Variants in CR1L observed in about 807,000 individuals in gnomAD.
The protein encoded by CR1L is complement component receptor 1-like protein.
CR1L carries 59 observed loss-of-function variants against 62.3 expected under a neutral mutation model. The observed-to-expected ratio is 0.95, with a 90% CI of 0.77 to 1.18. The LOEUF is 1.18. CR1L is among the 50% of genes most tolerant of loss of function. The pLI is 0.00. For synonymous variants in CR1L, 279 were observed against 248.7 expected (o/e 1.12, Z -1.15); for missense variants, 700 against 702.8 (o/e 1.00, Z 0.04).
At chr1:207,679,141 G>C (rs1042573269) in intron 3 of CR1L, among the ~76,000 whole-genome samples, 4 of 148,270 alleles carry the variant, frequency 2.7e-5, no homozygotes, top group Non-Finnish European at 4.5e-5. Context: ...GGGACAACAG[G>C]TGCCCACCAC....
At position 207,678,308 on chromosome 1, in the gene CR1L, A is replaced by T; in HGVS notation, c.377+11A>T. On this transcript the variant is annotated intron_variant, in intron 3 of 11. Transcript: ENST00000508064. ...TTCTTGTCCTAAAGGGTGAGTTGGC[A>T]TCTCTTGAACCAACATCTCTTGGTT... The T allele has an allele frequency of 1.2e-6, 2 of 1,607,702 alleles. No homozygotes were observed. Among genetic ancestry groups the T allele is most frequent in the Non-Finnish European group, 1.7e-6 (2 of 1,174,202 alleles).
At chr1:207,718,570 C>T (rs1429330232) in intron 11 of CR1L, among the ~76,000 whole-genome samples, 1 of 152,078 alleles carries the variant, frequency 6.6e-6, no homozygotes, top group Non-Finnish European at 1.5e-5. Flanking sequence ...TACAGGCACC[C>T]ACCACCACAC....
At chr1:207,663,940 C>G (rs1303082983) in intron 1 of CR1L, among the ~76,000 whole-genome samples, 1 of 152,216 alleles carries the variant, frequency 6.6e-6, no homozygotes, top group East Asian at 1.9e-4. Context: ...ATATTTCTGT[C>G]TCTTCCCTGC....
chr1:207,719,099 G>A (rs1275485583), intron 11 of CR1L, among the ~76,000 whole-genome samples: 1 of 120,220 alleles, frequency 8.3e-6, no homozygotes, highest in African/African-American at 3.1e-5. Context: ...CACACTCTGG[G>A]GACTGTGGTG....
chr1:207,717,459 T>A lies in CR1L; in HGVS notation c.1415-5T>A. On this transcript the variant is annotated splice_region_variant and splice_polypyrimidine_tract_variant and intron_variant, in intron 10 of 11. Transcript: ENST00000508064. Reference sequence around the variant, plus strand: ...AGAACTTAAAAGCTCTTGTTTTCTTTCTAGAAATCTTTTGTCCAAATCCTC... The same window carrying A: ...AGAACTTAAAAGCTCTTGTTTTCTTACTAGAAATCTTTTGTCCAAATCCTC... 3 of 1,612,384 alleles carry A rather than the reference T, an allele frequency of 1.9e-6. No homozygotes were observed. Among genetic ancestry groups the A allele is most frequent in the Non-Finnish European group, 1.7e-6 (2 of 1,179,022 alleles).
chr1:207,683,530 C>CA (rs1168825519), intron 3 of CR1L, among the ~76,000 whole-genome samples: 1 of 152,128 alleles, frequency 6.6e-6, no homozygotes, highest in African/African-American at 2.4e-5. Context: ...ACTACATACA[C>CA]ACATACATAT....
rs181107659 is a variant in CR1L at position 207,705,476 on chromosome 1, A to G, written c.1329-2702A>G. Reference sequence around the variant, plus strand: ...AGGCTCTGCCTCAATCTCACTCTTCACGGGAACAGCTAAGCCAGGTAGTGA... The same window carrying G: ...AGGCTCTGCCTCAATCTCACTCTTCGCGGGAACAGCTAAGCCAGGTAGTGA... On this transcript the variant is annotated intron_variant, in intron 9 of 11. Coordinates refer to ENST00000508064, the MANE Select transcript of CR1L (RefSeq NM_175710.2). 3.1e-3 allele frequency among the ~76,000 whole-genome samples: 466 copies of G among 152,232 alleles called. 2 individuals carry two copies. The highest frequency in any genetic ancestry group is 0.01 in the African/African-American group (435 of 41,540).
chr1:207,708,946 G>A, intron 10 of CR1L: 3 of 358,956 alleles, frequency 8.4e-6, no homozygotes, highest in South Asian at 6.3e-5. Context: ...AAGATCAGAT[G>A]AAATTGGGTG....
intron 4 of CR1L, among the ~76,000 whole-genome samples, chr1:207,686,648 T>G (rs1663916762): frequency 6.6e-6 from 1 of 152,238 alleles, no homozygotes; most frequent in South Asian, 2.1e-4. Context: ...TATGTTTCTA[T>G]TAAAGTATAA....
chr1:207,705,406 G>C (rs975493547), intron 9 of CR1L, among the ~76,000 whole-genome samples: 1 of 152,182 alleles, frequency 6.6e-6, no homozygotes, highest in African/African-American at 2.4e-5. Flanking sequence ...TGCTCACAGC[G>C]CATGGTCCAG....
intron 1 of CR1L, chr1:207,669,702 C>T: frequency 1.7e-6 from 1 of 572,594 alleles, no homozygotes; most frequent in Non-Finnish European, 3.0e-6. Flanking sequence ...GGGCTGAGCG[C>T]GCTACCTGGC....
At chr1:207,691,833 A>G (rs902601121) in intron 4 of CR1L, among the ~76,000 whole-genome samples, 1 of 152,208 alleles carries the variant, frequency 6.6e-6, no homozygotes, top group African/African-American at 2.4e-5. Context: ...GTAAAAAGAA[A>G]AGCTTCAGCT....
At chr1:207,697,366 G>C (rs1055655678) in intron 5 of CR1L, 137 bp from the exon 6 acceptor site, 3 of 1,552,324 alleles carry the variant, frequency 1.9e-6, no homozygotes, top group Non-Finnish European at 2.6e-6. Context: ...TATTTAGTTT[G>C]TTATCAATGT....
chr1:207,692,528 G>A (rs1441525164), intron 4 of CR1L, among the ~76,000 whole-genome samples: 1 of 152,148 alleles, frequency 6.6e-6, no homozygotes. Flanking sequence ...TGCCCTCTGT[G>A]CCCTGCATGG....
chr1:207,719,540 C>T (rs1401547762), intron 11 of CR1L, among the ~76,000 whole-genome samples: 2 of 151,884 alleles, frequency 1.3e-5, no homozygotes, highest in Admixed American at 1.3e-4. Flanking sequence ...GGCAGTATAG[C>T]AAAACTCTGT....
intron 4 of CR1L, among the ~76,000 whole-genome samples, chr1:207,691,073 C>T (rs993815246): frequency 1.6e-4 from 25 of 152,318 alleles, no homozygotes; most frequent in African/African-American, 5.8e-4. Flanking sequence ...TTACAATCCC[C>T]AACTATGACT....
chr1:207,670,967 T>A (rs1430974774), intron 1 of CR1L, among the ~76,000 whole-genome samples: 4 of 150,996 alleles, frequency 2.6e-5, no homozygotes, highest in Non-Finnish European at 5.9e-5. Context: ...TTAAAAGAAA[T>A]GTAAGAGAAA....
chr1:207,688,394 T>C (rs1663945289), intron 4 of CR1L, among the ~76,000 whole-genome samples: 1 of 152,174 alleles, frequency 6.6e-6, no homozygotes, highest in Non-Finnish European at 1.5e-5. Context: ...TTATTTGCCA[T>C]ACATTGTGTT....
At chr1:207,707,784 T>TCACA (rs1558024543) in intron 9 of CR1L, among the ~76,000 whole-genome samples, 1 of 48,628 alleles carries the variant, frequency 2.1e-5, no homozygotes, top group African/African-American at 9.6e-5. Flanking sequence ...TGGCATAGTA[T>TCACA]TACACACACA....
Sources: gnomAD v4.1 joint callset for allele counts (sites outside exome capture counted in the v4.1 genomes callset) on GRCh38, gnomAD v4.1.1 for gene constraint, MANE v1.5 for transcripts, NCBI Gene and HGNC (gene_info 2026-07-23, HGNC 2026-07-21) for gene names.